Variants in CPEB3 observed in about 807,000 individuals in gnomAD.
CPEB3 encodes the protein cytoplasmic polyadenylation element-binding protein 3.
CPEB3 carries 20 observed loss-of-function variants against 67.2 expected under a neutral mutation model. The observed-to-expected ratio is 0.30, with a 90% CI of 0.21 to 0.43. CPEB3 has a LOEUF of 0.43. Among genes scored for constraint, CPEB3 ranks in the 20% least tolerant of loss-of-function variants. CPEB3 has a pLI of 1.00. For synonymous variants in CPEB3, 376 were observed against 393.1 expected (o/e 0.96, Z 0.51); for missense variants, 746 against 968.6 (o/e 0.77, Z 3.05).
intron 4 of CPEB3, among the ~76,000 whole-genome samples, chr10:92,171,163 G>T (rs1052125437): frequency 3.0e-4 from 45 of 152,280 alleles, no homozygotes; most frequent in Admixed American, 4.6e-4. Context: ...TTATGACAAG[G>T]AATTGACCTG....
At chr10:92,100,693 A>G (rs1329367499) in intron 7 of CPEB3, among the ~76,000 whole-genome samples, 1 of 151,416 alleles carries the variant, frequency 6.6e-6, no homozygotes, top group African/African-American at 2.4e-5. Context: ...CCGGGTTCAC[A>G]CCATTCTCCT....
At chr10:92,070,896 G>A (rs183216800) in intron 9 of CPEB3, among the ~76,000 whole-genome samples, 3 of 148,756 alleles carry the variant, frequency 2.0e-5, no homozygotes, top group East Asian at 2.0e-4. Flanking sequence ...ACTTTACCCC[G>A]ATTTTGCCTG....
At chr10:92,104,544 G>A (rs1297666419) in intron 7 of CPEB3, among the ~76,000 whole-genome samples, 2 of 151,802 alleles carry the variant, frequency 1.3e-5, no homozygotes, top group South Asian at 2.1e-4. Context: ...CTGCCACCAC[G>A]CCCAGCTAAT....
At chr10:92,147,919 AATCCAGAAACCTAGAAATC>A (rs1485610007) in intron 4 of CPEB3, among the ~76,000 whole-genome samples, 5 of 152,158 alleles carry the variant, frequency 3.3e-5, no homozygotes. Context: ...CACTGGATTC[AATCCAGAAACCTAGAAATC>A]ATCCTTGACA....
intron 6 of CPEB3, among the ~76,000 whole-genome samples, chr10:92,130,801 T>A (rs1845812726): frequency 6.6e-6 from 1 of 152,196 alleles, no homozygotes; most frequent in African/African-American, 2.4e-5. Context: ...TGATTCTATT[T>A]CACTATGTAT....
intron 2 of CPEB3, among the ~76,000 whole-genome samples, chr10:92,214,544 G>A (rs764319191): frequency 3.3e-5 from 5 of 151,866 alleles, no homozygotes; most frequent in Admixed American, 6.6e-5. Flanking sequence ...GTGCAGTGGC[G>A]TGATCTCAAC....
At chr10:92,221,813 T>A (rs1850713040) in intron 2 of CPEB3, among the ~76,000 whole-genome samples, 1 of 151,938 alleles carries the variant, frequency 6.6e-6, no homozygotes, top group East Asian at 1.9e-4. Context: ...TGAGACCCCA[T>A]CTCTTAAAAG....
rs1246091798 is a variant in CPEB3 at position 92,051,575 on chromosome 10, C to T, written c.*637G>A. 6.6e-6 allele frequency: 1 copy of T among 152,466 alleles called. No homozygotes were observed. The highest frequency in any genetic ancestry group is 1.9e-4 in the East Asian group (1 of 5,194). 9.4% of individuals were successfully genotyped at this position (152,466 alleles called of 1,614,324 possible). On this transcript the variant is annotated 3_prime_UTR_variant, in exon 10 of 10. Transcript: ENST00000265997. Reference sequence around the variant, plus strand: ...AATACTAAAAGATCTAACCAAAATCCTCGGCAAAACAAAAATCAAACATGA... The same window carrying T: ...AATACTAAAAGATCTAACCAAAATCTTCGGCAAAACAAAAATCAAACATGA...
intron 2 of CPEB3, among the ~76,000 whole-genome samples, chr10:92,220,250 G>A (rs981039863): frequency 6.6e-6 from 1 of 152,044 alleles, no homozygotes; most frequent in Non-Finnish European, 1.5e-5. Flanking sequence ...TTCACTAAAA[G>A]TCTTAGTTTG....
intron 3 of CPEB3, among the ~76,000 whole-genome samples, chr10:92,190,391 C>A (rs1188411568): frequency 6.6e-6 from 1 of 151,896 alleles, no homozygotes; most frequent in Non-Finnish European, 1.5e-5. Flanking sequence ...GGAGGCTGGG[C>A]GCAGTGGCTC....
At chr10:92,064,069 AG>A (rs1397639720) in intron 9 of CPEB3, among the ~76,000 whole-genome samples, 1 of 152,232 alleles carries the variant, frequency 6.6e-6, no homozygotes, top group African/African-American at 2.4e-5. Flanking sequence ...ACATCAAGCA[AG>A]GCTTTAACTC....
chr10:92,215,812 G>C (rs1200102947), intron 2 of CPEB3, among the ~76,000 whole-genome samples: 2 of 137,766 alleles, frequency 1.5e-5, no homozygotes, highest in Admixed American at 8.1e-5. Flanking sequence ...GCAGTGGCAC[G>C]ATCTCGGCTC....
intron 2 of CPEB3, among the ~76,000 whole-genome samples, chr10:92,193,436 C>T (rs1185266060): frequency 1.3e-5 from 2 of 151,852 alleles, no homozygotes. Flanking sequence ...GAGATGTTCC[C>T]CCCACCCCAC....
chr10:92,166,434 T>C (rs940536878), intron 4 of CPEB3, among the ~76,000 whole-genome samples: 6 of 152,126 alleles, frequency 3.9e-5, no homozygotes, highest in African/African-American at 1.4e-4. Flanking sequence ...TTCAACAAGA[T>C]GGCTTGGAAG....
At chr10:92,130,320 C>T (rs1270641239) in intron 6 of CPEB3, among the ~76,000 whole-genome samples, 1 of 151,912 alleles carries the variant, frequency 6.6e-6, no homozygotes, top group African/African-American at 2.4e-5. Context: ...ATCATGTTTA[C>T]TTTTGTGACT....
Position 92,052,240 on chromosome 10 carries a change from G to A in CPEB3, c.2069C>T (p.Pro690Leu). Reference protein sequence around the residue: ...KPLVKEGGDRPRHVPFRWS With the variant: ...KPLVKEGGDRLRHVPFRWS ...GCTCCAGCGGAACGGGACGTGACGAGGGCGGTCGCCTCCCTCCTTCACCAG... is the reference window on the plus strand; with the variant it reads ...GCTCCAGCGGAACGGGACGTGACGAAGGCGGTCGCCTCCCTCCTTCACCAG... Residue 690 changes from proline to leucine, a missense_variant, in exon 10 of 10, where the codon CCT becomes CTT. Physicochemically the swap from Pro to Leu is moderately conservative, Grantham distance 98 (BLOSUM62 -3). Around this residue, in one of 2 missense-constraint regions of CPEB3, gnomAD observed 103 missense variants for 251.1 expected, o/e 0.41. Coordinates refer to ENST00000265997, the MANE Select transcript of CPEB3 (RefSeq NM_014912.5). The A allele has an allele frequency of 6.2e-7, 1 of 1,613,848 alleles. No individual in the cohort carries two copies. The highest frequency in any genetic ancestry group is 8.5e-7 in the Non-Finnish European group (1 of 1,179,892).
At chr10:92,163,835 C>G (rs1847611222) in intron 4 of CPEB3, among the ~76,000 whole-genome samples, 2 of 152,120 alleles carry the variant, frequency 1.3e-5, no homozygotes, top group Admixed American at 6.5e-5. Flanking sequence ...AAAAAAGATG[C>G]TTGAAGGGGA....
At chr10:92,107,868 T>G (rs1844547452) in intron 7 of CPEB3, among the ~76,000 whole-genome samples, 1 of 152,138 alleles carries the variant, frequency 6.6e-6, no homozygotes, top group Non-Finnish European at 1.5e-5. Flanking sequence ...ATACACAGAA[T>G]AGTCTGAGTT....
intron 6 of CPEB3, among the ~76,000 whole-genome samples, chr10:92,140,546 T>A (rs892053914): frequency 2.6e-5 from 4 of 151,706 alleles, no homozygotes; most frequent in Non-Finnish European, 5.9e-5. Flanking sequence ...AACCTAGGCA[T>A]TACCATTCAG....
Sources: gnomAD v4.1 joint callset for allele counts (sites outside exome capture counted in the v4.1 genomes callset) on GRCh38, gnomAD v4.1.1 for gene constraint, gnomAD v4.1.1 regional missense constraint, MANE v1.5 for transcripts, NCBI Gene and HGNC (gene_info 2026-07-23, HGNC 2026-07-21) for gene names.